Variants in LHFPL3 observed in about 807,000 individuals in gnomAD.
The protein encoded by LHFPL3 is LHFPL tetraspan subfamily member 3 protein.
Under a neutral mutation model 19.3 loss-of-function variants are expected in LHFPL3, and 5 were observed. That is an observed-to-expected ratio of 0.26 (90% CI 0.14 to 0.54). The LOEUF (loss-of-function observed/expected upper bound fraction) is 0.54. Among genes scored for constraint, LHFPL3 ranks in the 20% least tolerant of loss-of-function variants. The pLI is 0.94. For missense variants in LHFPL3, 249 were observed against 307.4 expected (o/e 0.81, Z 1.42); for synonymous variants, 133 against 126.2 (o/e 1.05, Z -0.36).
intron 1 of LHFPL3, among the ~76,000 whole-genome samples, chr7:104,732,880 C>T (rs1285203279): frequency 5.3e-5 from 8 of 152,180 alleles, no homozygotes; most frequent in Admixed American, 2.0e-4. Flanking sequence ...AAGTTTCCCT[C>T]TACACACCGC....
intron 1 of LHFPL3, among the ~76,000 whole-genome samples, chr7:104,677,241 G>A (rs950072527): frequency 6.6e-6 from 1 of 152,074 alleles, no homozygotes; most frequent in Non-Finnish European, 1.5e-5. Flanking sequence ...GCTGGGTGTG[G>A]TGGCATGTGC....
At chr7:104,823,693 C>T (rs941813003) in intron 2 of LHFPL3, among the ~76,000 whole-genome samples, 1 of 152,156 alleles carries the variant, frequency 6.6e-6, no homozygotes, top group Non-Finnish European at 1.5e-5. Context: ...TTCAATTGGT[C>T]TGTGAATGAA....
At chr7:104,780,145 C>T (rs892000307) in intron 2 of LHFPL3, among the ~76,000 whole-genome samples, 1 of 152,188 alleles carries the variant, frequency 6.6e-6, no homozygotes, top group South Asian at 2.1e-4. Flanking sequence ...GGCAGAGCTC[C>T]CTCATCCACA....
chr7:104,430,510 C>T (rs1791981823), intron 1 of LHFPL3, among the ~76,000 whole-genome samples: 1 of 118,624 alleles, frequency 8.4e-6, no homozygotes, highest in African/African-American at 3.0e-5. Flanking sequence ...GCTCTGTCGC[C>T]CAGGCTGGAG....
chr7:104,571,567 A>T (rs1449598026), intron 1 of LHFPL3, among the ~76,000 whole-genome samples: 1 of 152,084 alleles, frequency 6.6e-6, no homozygotes, highest in Non-Finnish European at 1.5e-5. Flanking sequence ...AAAGCAGCTC[A>T]CTCCTTTGAA....
chr7:104,497,336 T>C (rs1287313483), intron 1 of LHFPL3, among the ~76,000 whole-genome samples: 1 of 142,974 alleles, frequency 7.0e-6, no homozygotes, highest in East Asian at 2.1e-4. Context: ...AAGAAGAAGA[T>C]TCTTAGGTTT....
At chr7:104,740,492 G>A (rs544322118) in intron 2 of LHFPL3, among the ~76,000 whole-genome samples, 5 of 152,282 alleles carry the variant, frequency 3.3e-5, no homozygotes, top group South Asian at 4.1e-4. Context: ...GTATTAGTCT[G>A]TTCTCACGCT....
rs139023089 is a variant in LHFPL3 at position 104,674,443 on chromosome 7, A to C, written c.446-62232A>C. ...GAGTGCAGTGGCGCAATCTTGGCTCACTGCAACCTCCGCCTCCTGGGTTCA... is the reference window on the plus strand; with the variant it reads ...GAGTGCAGTGGCGCAATCTTGGCTCCCTGCAACCTCCGCCTCCTGGGTTCA... On this transcript the variant is annotated intron_variant, in intron 1 of 2. Coordinates refer to ENST00000424859, the MANE Select transcript of LHFPL3 (RefSeq NM_199000.3). 4.8e-3 allele frequency among the ~76,000 whole-genome samples: 697 copies of C among 143,830 alleles called. 32 individuals are homozygous for C. In the East Asian group the frequency reaches 0.1, roughly 22 times the overall value. 94.4% of individuals were successfully genotyped at this position (143,830 alleles called of 152,430 possible).
intron 1 of LHFPL3, among the ~76,000 whole-genome samples, chr7:104,408,278 T>C (rs1791458721): frequency 6.6e-6 from 1 of 152,216 alleles, no homozygotes; most frequent in Non-Finnish European, 1.5e-5. Context: ...TTCTCATTTC[T>C]GTTATTTCAG....
At chr7:104,643,532 G>A (rs748835432) in intron 1 of LHFPL3, among the ~76,000 whole-genome samples, 1 of 152,104 alleles carries the variant, frequency 6.6e-6, no homozygotes, top group South Asian at 2.1e-4. Flanking sequence ...TTTAAGTCTT[G>A]CAATCTCCAG....
At chr7:104,421,514 G>T (rs1395268943) in intron 1 of LHFPL3, among the ~76,000 whole-genome samples, 3 of 152,186 alleles carry the variant, frequency 2.0e-5, no homozygotes, top group African/African-American at 7.2e-5. Context: ...TTGGGAAGAG[G>T]TCATGAAGAT....
At chr7:104,426,569 A>G (rs1233025583) in intron 1 of LHFPL3, among the ~76,000 whole-genome samples, 1 of 152,160 alleles carries the variant, frequency 6.6e-6, no homozygotes, top group African/African-American at 2.4e-5. Flanking sequence ...GTTCTACACT[A>G]TGTTCTAAAA....
At chr7:104,436,269 A>G (rs1792103698) in intron 1 of LHFPL3, among the ~76,000 whole-genome samples, 1 of 152,168 alleles carries the variant, frequency 6.6e-6, no homozygotes, top group Non-Finnish European at 1.5e-5. Context: ...TTATATTTTT[A>G]TTGGACAATT....
intron 2 of LHFPL3, among the ~76,000 whole-genome samples, chr7:104,750,270 C>G (rs1186767817): frequency 6.6e-6 from 1 of 151,492 alleles, no homozygotes; most frequent in Non-Finnish European, 1.5e-5. Flanking sequence ...CAGTGTCTAC[C>G]AACCCTTCAA....
intron 1 of LHFPL3, among the ~76,000 whole-genome samples, chr7:104,430,387 T>C (rs1354524360): frequency 6.0e-5 from 3 of 50,308 alleles, no homozygotes; most frequent in East Asian, 4.4e-4. Context: ...TATATACATA[T>C]ATATATATAT....
intron 2 of LHFPL3, among the ~76,000 whole-genome samples, chr7:104,815,870 AG>A (rs1436722174): frequency 6.6e-6 from 1 of 152,160 alleles, no homozygotes; most frequent in East Asian, 1.9e-4. Context: ...AGAAGCTCAA[AG>A]GTAGGAATTC....
intron 1 of LHFPL3, among the ~76,000 whole-genome samples, chr7:104,615,562 T>A (rs572735869): frequency 6.6e-6 from 1 of 152,344 alleles, no homozygotes; most frequent in East Asian, 1.9e-4. Flanking sequence ...CTAGGATACA[T>A]GTGCAGAACG....
chr7:104,383,482 G>C (rs1044741731), intron 1 of LHFPL3, among the ~76,000 whole-genome samples: 3 of 152,128 alleles, frequency 2.0e-5, no homozygotes, highest in African/African-American at 4.8e-5. Context: ...CAAGATCTTC[G>C]GTTTAACAAG....
intron 1 of LHFPL3, among the ~76,000 whole-genome samples, chr7:104,666,509 A>ATTTTT (rs1315147894): frequency 9.3e-4 from 41 of 44,132 alleles, no homozygotes; most frequent in Non-Finnish European, 1.0e-3. Flanking sequence ...ACAGGATTTC[A>ATTTTT]TTCTTTTTTT....
Sources: allele counts gnomAD v4.1 joint callset (sites outside exome capture counted in the v4.1 genomes callset), GRCh38; gene constraint gnomAD v4.1.1; transcripts MANE v1.5; gene names NCBI Gene and HGNC (gene_info 2026-07-23, HGNC 2026-07-21).